PRKRIP1: variants seen among roughly 807,000 people sequenced by gnomAD.
PRKRIP1 encodes PRKR interacting protein 1, also known as PRKR-interacting protein 1.
A neutral mutation model predicts 29.3 loss-of-function variants in PRKRIP1; 29 were observed. The observed-to-expected ratio is 0.99, with a 90% CI of 0.74 to 1.35. The LOEUF (loss-of-function observed/expected upper bound fraction) is 1.35. PRKRIP1 is among the 40% of genes most tolerant of loss of function. The pLI is 0.00. For missense variants in PRKRIP1, 247 were observed against 236.8 expected (o/e 1.04, Z -0.28); for synonymous variants, 90 against 85.1 (o/e 1.06, Z -0.32).
At chr7:102,411,382 TTTTG>T (rs1360425549) in intron 5 of PRKRIP1, among the ~76,000 whole-genome samples, 2 of 151,730 alleles carry the variant, frequency 1.3e-5, no homozygotes, top group African/African-American at 2.4e-5. Context: ...CTTGTTTTTT[TTTTG>T]TTTGTTTGTT....
chr7:102,416,550 G>T (rs781791337), intron 5 of PRKRIP1, among the ~76,000 whole-genome samples: 12 of 152,166 alleles, frequency 7.9e-5, no homozygotes, highest in Non-Finnish European at 1.5e-4. Flanking sequence ...GCCCTCAGTT[G>T]GGATTGGTCT....
intron 1 of PRKRIP1, 93 bp downstream of exon 1, chr7:102,396,630 C>A: frequency 7.2e-7 from 1 of 1,380,850 alleles, no homozygotes; most frequent in East Asian, 2.6e-5. Context: ...TTCCCCGCCT[C>A]CAAACTCAGA....
chr7:102,396,497 A>G lies in PRKRIP1; in HGVS notation c.86A>G (p.Glu29Gly). 1 of 1,609,854 alleles carries G rather than the reference A, an allele frequency of 6.2e-7. No homozygotes were observed. Among genetic ancestry groups the G allele is most frequent in the South Asian group, 1.1e-5 (1 of 90,912 alleles). Residue 29 changes from glutamate (E) to glycine (G), a missense_variant, in exon 1 of 6, where the codon GAG becomes GGG. Around this residue, in one of 3 missense-constraint regions of PRKRIP1, gnomAD observed 105 missense variants for 80.2 expected, o/e 1.31. Coordinates refer to ENST00000397912, the MANE Select transcript of PRKRIP1 (RefSeq NM_024653.4). The stretch of plus-strand genomic sequence containing the variant: ...CTCGTCATCCCCAAGAATGCGGCGG[A>G]GGAGCAGAAGCTCAAGCTGGAGCGG... ...QTLVIPKNAA[E>G]EQKLKLERLM...
At chr7:102,404,279 G>A (rs531809435) in intron 3 of PRKRIP1, 29 of 227,812 alleles carry the variant, frequency 1.3e-4, no homozygotes, top group African/African-American at 6.2e-4. Context: ...CAGTATCCAA[G>A]GCCCCGGCTG....
chr7:102,422,595 G>T (rs1796724115), intron 5 of PRKRIP1, among the ~76,000 whole-genome samples: 1 of 151,508 alleles, frequency 6.6e-6, no homozygotes, highest in African/African-American at 2.4e-5. Context: ...ACCGGCCTCG[G>T]CTGTTGAAAG....
At chr7:102,418,663 A>G (rs1586693684) in intron 5 of PRKRIP1, among the ~76,000 whole-genome samples, 1 of 152,006 alleles carries the variant, frequency 6.6e-6, no homozygotes, top group Admixed American at 6.6e-5. Flanking sequence ...TATCTTTGCT[A>G]CCACCATCCA....
intron 4 of PRKRIP1, among the ~76,000 whole-genome samples, chr7:102,406,614 A>G (rs1356768724): frequency 3.9e-5 from 6 of 152,000 alleles, no homozygotes; most frequent in Admixed American, 6.6e-5. Context: ...ATTGCTCTCA[A>G]TTTGTCATTG....
At chr7:102,397,826 A>G in intron 2 of PRKRIP1, 128 bp downstream of exon 2, 2 of 726,294 alleles carry the variant, frequency 2.8e-6, no homozygotes, top group South Asian at 3.7e-5. Context: ...CGGGCGGATC[A>G]TGAGGTCAGG....
intron 3 of PRKRIP1, 81 bp downstream of exon 3, chr7:102,399,729 G>A: frequency 8.7e-7 from 1 of 1,147,046 alleles, no homozygotes; most frequent in Non-Finnish European, 1.3e-6. Flanking sequence ...CATTTGAAGA[G>A]GCTGGGCGTG....
At chr7:102,420,232 A>G (rs1796661073) in intron 5 of PRKRIP1, among the ~76,000 whole-genome samples, 1 of 152,136 alleles carries the variant, frequency 6.6e-6, no homozygotes, top group African/African-American at 2.4e-5. Context: ...TCAACTGAGT[A>G]CATCTGCAGG....
intron 5 of PRKRIP1, among the ~76,000 whole-genome samples, chr7:102,414,928 A>G (rs1554572900): frequency 6.6e-6 from 1 of 152,088 alleles, no homozygotes; most frequent in African/African-American, 2.4e-5. Context: ...ATTTCTAACC[A>G]TGGGAATTAC....
At chr7:102,409,260 A>G (rs1218724190) in intron 5 of PRKRIP1, among the ~76,000 whole-genome samples, 1 of 152,184 alleles carries the variant, frequency 6.6e-6, no homozygotes, top group African/African-American at 2.4e-5. Context: ...CACATCGGAT[A>G]TGGTTTTAGG....
At chr7:102,409,043 A>G (rs1796305857) in intron 5 of PRKRIP1, among the ~76,000 whole-genome samples, 1 of 151,730 alleles carries the variant, frequency 6.6e-6, no homozygotes, top group African/African-American at 2.4e-5. Context: ...GCGTGATGGC[A>G]GGCACCTGTA....
chr7:102,405,019 T>C (rs972765186), intron 4 of PRKRIP1, among the ~76,000 whole-genome samples: 18 of 151,902 alleles, frequency 1.2e-4, no homozygotes, highest in Admixed American at 9.2e-4. Context: ...CTCCGCCTCC[T>C]GGGTTCAAGC....
At chr7:102,406,262 CA>C (rs1224689465) in intron 4 of PRKRIP1, among the ~76,000 whole-genome samples, 4 of 152,282 alleles carry the variant, frequency 2.6e-5, no homozygotes, top group African/African-American at 9.6e-5. Flanking sequence ...GACCAGCAAA[CA>C]GTGACCATGA....
At chr7:102,406,214 C>T (rs782597974) in intron 4 of PRKRIP1, among the ~76,000 whole-genome samples, 23 of 152,084 alleles carry the variant, frequency 1.5e-4, no homozygotes, top group Non-Finnish European at 2.6e-4. Context: ...CTGGTTTCAC[C>T]GGGATTCAGA....
intron 2 of PRKRIP1, 152 bp from the exon 3 acceptor site, chr7:102,399,396 G>T: frequency 1.6e-6 from 1 of 627,568 alleles, no homozygotes; most frequent in South Asian, 1.9e-5. Context: ...CAATATGCCA[G>T]GTACTGGGCC....
intron 4 of PRKRIP1, among the ~76,000 whole-genome samples, chr7:102,407,013 G>C (rs113694614): frequency 4.9e-4 from 75 of 152,144 alleles, no homozygotes; most frequent in African/African-American, 1.8e-3. Context: ...AGGAGATCGA[G>C]ACCATCCTGG....
Position 102,425,085 on chromosome 7 carries a change from G to C in PRKRIP1, c.529G>C (p.Val177Leu). Residue 177 changes from valine (V) to leucine (L), a missense_variant, in exon 6 of 6, where the codon GTG becomes CTG. By Grantham distance (32) the Val-to-Leu change is conservative (BLOSUM62 1). This residue lies in a region of PRKRIP1 where 134 missense variants were observed against 126.6 expected (regional missense o/e 1.06). Transcript: ENST00000397912. ...ATCTGGAACAGAGGAGGAGGAGGAA[G>C]TGCCCAGTTTCACCATGGGGCGATG... ...EASGTEEEEE[V>L]PSFTMGR 6.2e-7 allele frequency: 1 copy of C among 1,613,308 alleles called. No homozygotes were observed. The highest frequency in any genetic ancestry group is 8.5e-7 in the Non-Finnish European group (1 of 1,179,948).
Sources: gnomAD v4.1 joint callset for allele counts (sites outside exome capture counted in the v4.1 genomes callset) on GRCh38, gnomAD v4.1.1 for gene constraint, gnomAD v4.1.1 regional missense constraint, MANE v1.5 for transcripts, NCBI Gene and HGNC (gene_info 2026-07-23, HGNC 2026-07-21) for gene names.